HEATR4: variants seen among roughly 807,000 people sequenced by gnomAD.
The protein encoded by HEATR4 is HEAT repeat containing 4, also known as HEAT repeat-containing protein 4.
In HEATR4, 95 loss-of-function variants were observed where a neutral mutation model predicts 108.8. The observed-to-expected ratio is 0.87, with a 90% CI of 0.74 to 1.04. The LOEUF (loss-of-function observed/expected upper bound fraction) is 1.04. HEATR4 is among the 50% of genes least tolerant of loss of function. HEATR4 has a pLI of 0.00. For synonymous variants in HEATR4, 443 were observed against 459.4 expected (o/e 0.96, Z 0.46); for missense variants, 1,152 against 1,253.8 (o/e 0.92, Z 1.23).
the HEATR4 span, among the ~76,000 whole-genome samples, chr14:73,621,336 G>A: frequency 6.6e-6 from 1 of 152,154 alleles, no homozygotes; most frequent in Non-Finnish European, 1.5e-5. Context: ...CTGGAGGAAT[G>A]CCTTGATGCC....
the HEATR4 span, among the ~76,000 whole-genome samples, chr14:73,618,203 T>C: frequency 6.6e-6 from 1 of 152,098 alleles, no homozygotes; most frequent in African/African-American, 2.4e-5. Flanking sequence ...AATGGAATTA[T>C]ATATACTCTT....
At chr14:73,593,788 G>T in the HEATR4 span, 7 of 1,613,972 alleles carry the variant, frequency 4.3e-6, no homozygotes, top group South Asian at 7.7e-5. Context: ...TGCTGGCCAT[G>T]GCTTTGCCAC....
At chr14:73,619,983 C>A in the HEATR4 span, 3 of 937,796 alleles carry the variant, frequency 3.2e-6, no homozygotes, top group Non-Finnish European at 4.5e-6. Context: ...ATAATCTTGG[C>A]TCACTGTAAC....
intron 2 of HEATR4, among the ~76,000 whole-genome samples, chr14:73,525,323 G>A (rs531357319): frequency 6.6e-6 from 1 of 152,260 alleles, no homozygotes; most frequent in East Asian, 1.9e-4. Context: ...GTGAGCTACA[G>A]CACTCAGCAA....
At chr14:73,623,366 T>C in the HEATR4 span, among the ~76,000 whole-genome samples, 124 of 152,296 alleles carry the variant, frequency 8.1e-4, no homozygotes, top group African/African-American at 2.4e-3. Context: ...GTTTAGATGT[T>C]GTCCTCTCCA....
At chr14:73,504,260 T>G (rs1285687351) in intron 10 of HEATR4, among the ~76,000 whole-genome samples, 1 of 147,930 alleles carries the variant, frequency 6.8e-6, no homozygotes. Context: ...TTTTTTTTTT[T>G]GAGACGGAGC....
At chr14:73,478,926 T>C (rs1885123908) in intron 17 of HEATR4, 84 bp from the exon 18 acceptor site, 1 of 1,014,376 alleles carries the variant, frequency 9.9e-7, no homozygotes, top group Non-Finnish European at 1.5e-6. Flanking sequence ...CCTCTTTGGC[T>C]ATAGGGTGTC....
the HEATR4 span, among the ~76,000 whole-genome samples, chr14:73,608,017 T>C: frequency 1.3e-5 from 2 of 152,088 alleles, no homozygotes; most frequent in East Asian, 1.9e-4. Flanking sequence ...CTCCGCCTCC[T>C]GGGTTCAAGC....
At chr14:73,571,007 T>C in the HEATR4 span, among the ~76,000 whole-genome samples, 4 of 149,700 alleles carry the variant, frequency 2.7e-5, no homozygotes, top group Non-Finnish European at 4.4e-5. Flanking sequence ...GAATTCCGAC[T>C]GGTTTTCTCA....
rs773473559 is a variant in HEATR4, at chr14:73,509,457, G to T, written c.1575C>A (p.Asp525Glu). The change falls in exon 8 of 18, where the codon GAC becomes GAA. Residue 525 changes from aspartate (D) to glutamate (E), a missense_variant. Asp to Glu is a conservative substitution (Grantham distance 45). Transcript: ENST00000553558. ...SQRDSDKTIQ[D>E]LPEVLLPALE... ...GGGCAGGCAGTAGAACCTCCGGCAA[G>T]TCCTGGATGGTCTTGTCTGTGATCA... The T allele has an allele frequency of 8.7e-6, 14 of 1,613,836 alleles. No individual in the cohort carries two copies. The East Asian group carries it at 2.7e-4, about 31-fold the overall frequency.
rs752962339 is a variant in HEATR4 at position 73,500,651 on chromosome 14, T to C, written c.2185A>G (p.Lys729Glu). The C allele has an allele frequency of 6.2e-7, 1 of 1,614,216 alleles. No individual in the cohort carries two copies. Residue 729 changes from lysine to glutamate, a missense_variant, in exon 12 of 18, where the codon AAG becomes GAG. Physicochemically the swap from Lys to Glu is moderately conservative, Grantham distance 56. Transcript: ENST00000553558. Reference sequence around the variant, plus strand: ...CAGTGCAGGAAGCTTGGGAGAAGCTTGGCGGTCATAAGCTTGAGCTCACCT... The same window carrying C: ...CAGTGCAGGAAGCTTGGGAGAAGCTCGGCGGTCATAAGCTTGAGCTCACCT... ...LIGELKLMTAKLLPSFLHCFS... is the reference protein window; with the variant it reads ...LIGELKLMTAELLPSFLHCFS...
At chr14:73,564,029 G>A in the HEATR4 span, among the ~76,000 whole-genome samples, 10 of 151,582 alleles carry the variant, frequency 6.6e-5, no homozygotes, top group South Asian at 1.5e-3. Flanking sequence ...GGCCAGACAC[G>A]GTGACTCACG....
the HEATR4 span, chr14:73,569,289 T>A: frequency 2.5e-6 from 4 of 1,613,866 alleles, no homozygotes; most frequent in East Asian, 8.9e-5. Context: ...TGTTCTCAGG[T>A]CTGAATTCAA....
chr14:73,610,304 T>TC, the HEATR4 span, among the ~76,000 whole-genome samples: 3 of 151,428 alleles, frequency 2.0e-5, no homozygotes, highest in South Asian at 2.1e-4. Context: ...TTTTTTTTTT[T>TC]CTTTTAGAGG....
chr14:73,594,820 C>G, the HEATR4 span, among the ~76,000 whole-genome samples: 1 of 152,136 alleles, frequency 6.6e-6, no homozygotes, highest in African/African-American at 2.4e-5. Context: ...CCTGCCTCAG[C>G]CTCCCAGGTA....
the HEATR4 span, among the ~76,000 whole-genome samples, chr14:73,624,128 A>G: frequency 2.0e-5 from 3 of 151,972 alleles, no homozygotes; most frequent in South Asian, 4.2e-4. Context: ...TTCTACAAAT[A>G]TATATATTTT....
chr14:73,605,074 GA>G, the HEATR4 span, among the ~76,000 whole-genome samples: 2 of 141,090 alleles, frequency 1.4e-5, no homozygotes, highest in Non-Finnish European at 3.1e-5. Context: ...ACAAAACGGA[GA>G]AAAATAATTC....
At chr14:73,569,308 C>T in the HEATR4 span, 8 of 1,613,812 alleles carry the variant, frequency 5.0e-6, no homozygotes, top group Admixed American at 5.0e-5. Context: ...AAAATGGCCT[C>T]ATCTCCTGCT....
At chr14:73,498,644 A>G (rs1446880479) in intron 13 of HEATR4, among the ~76,000 whole-genome samples, 1 of 152,232 alleles carries the variant, frequency 6.6e-6, no homozygotes, top group Non-Finnish European at 1.5e-5. Flanking sequence ...TTATTTATCT[A>G]TGTCAAAAAG....
Sources: allele counts gnomAD v4.1 joint callset (sites outside exome capture counted in the v4.1 genomes callset), GRCh38; gene constraint gnomAD v4.1.1; transcripts MANE v1.5; gene names NCBI Gene and HGNC (gene_info 2026-07-23, HGNC 2026-07-21).